Variants in UGT1A9 observed in about 807,000 individuals in gnomAD.
The protein encoded by UGT1A9 is UDP-glucuronosyltransferase 1A9.
Under a neutral mutation model 45.0 loss-of-function variants are expected in UGT1A9, and 35 were observed. The observed-to-expected ratio is 0.78, with a 90% CI of 0.59 to 1.03. UGT1A9 has a LOEUF of 1.03. Among genes scored for constraint, UGT1A9 ranks in the 50% least tolerant of loss-of-function variants. The probability of loss-of-function intolerance (pLI) is 0.00; values close to 1 mark genes in which losing one functional copy is unlikely to be tolerated. For synonymous variants in UGT1A9, 278 were observed against 250.6 expected (o/e 1.11, Z -1.03); for missense variants, 687 against 666.6 (o/e 1.03, Z -0.34).
intron 1 of UGT1A9, chr2:233,743,882 C>A: frequency 2.9e-6 from 4 of 1,367,088 alleles, no homozygotes; most frequent in Non-Finnish European, 3.9e-6. Flanking sequence ...TGAGGCCTGC[C>A]GGGGCACGTC....
chr2:233,683,629 A>G (rs1418410501), intron 1 of UGT1A9, among the ~76,000 whole-genome samples: 1 of 152,134 alleles, frequency 6.6e-6, no homozygotes, highest in African/African-American at 2.4e-5. Context: ...TTATTTCCAT[A>G]AATAAAATTT....
At chr2:233,691,409 G>A in intron 1 of UGT1A9, 1 of 985,558 alleles carries the variant, frequency 1.0e-6, no homozygotes, top group Non-Finnish European at 1.2e-6. Context: ...TGTCCTTGGA[G>A]TGGCCCCTCT....
chr2:233,673,182 C>G (rs920755799), intron 1 of UGT1A9, among the ~76,000 whole-genome samples: 3 of 152,082 alleles, frequency 2.0e-5, no homozygotes, highest in East Asian at 1.9e-4. Flanking sequence ...TATACAATAT[C>G]TAATGTAAAT....
At position 233,758,625 on chromosome 2, in the gene UGT1A9, A is replaced by AC. The variant is rs554859025; in HGVS notation, c.856-8407dup. ...TTCAGTGTGCATGTGCATGCAAAGT[A>AC]CCTACTCTAAGGAGAAGAATGAGAG... On this transcript the variant is annotated intron_variant, in intron 1 of 4. Transcript: ENST00000354728. Among the ~76,000 whole-genome samples the AC allele has an allele frequency of 6.6e-5, 10 of 152,284 alleles. No individual in the cohort carries two copies. The South Asian group carries it at 2.1e-3, about 32-fold the overall frequency.
In UGT1A9 at chr2:233,691,037, G is replaced by A. The variant is rs45542536; in HGVS notation, c.855+18248G>A. The A allele has an allele frequency of 5.6e-5, 55 of 989,346 alleles. No individual in the cohort carries two copies. The African/African-American group carries it at 8.2e-4, about 15-fold the overall frequency. 61.3% of individuals were successfully genotyped at this position (989,346 alleles called of 1,614,324 possible). ...TGTGGTTGGAAGGGCTCAGACCAACGTCCACAGCAGAGTGGAGGTCTAGTA... is the reference window on the plus strand; with the variant it reads ...TGTGGTTGGAAGGGCTCAGACCAACATCCACAGCAGAGTGGAGGTCTAGTA... On this transcript the variant is annotated intron_variant, in intron 1 of 4. Coordinates refer to ENST00000354728, the MANE Select transcript of UGT1A9 (RefSeq NM_021027.3).
chr2:233,744,110 C>T, intron 1 of UGT1A9: 1 of 393,860 alleles, frequency 2.5e-6, no homozygotes, highest in Non-Finnish European at 4.6e-6. Flanking sequence ...ACTGGCCCTG[C>T]TCTCTGTGAG....
intron 1 of UGT1A9, among the ~76,000 whole-genome samples, chr2:233,715,022 G>A (rs1438116974): frequency 2.0e-5 from 3 of 152,060 alleles, no homozygotes; most frequent in Admixed American, 1.3e-4. Flanking sequence ...AACTACAGGC[G>A]CATGGCACCA....
rs897493139 is a variant in UGT1A9, at chr2:233,718,976, T to C, written c.855+46187T>C. ...TGCGGGAGGCCTTGCGGGAGCTCCATGCCAGAGGCCACCAGGCGGTGGTCC... is the reference window on the plus strand; with the variant it reads ...TGCGGGAGGCCTTGCGGGAGCTCCACGCCAGAGGCCACCAGGCGGTGGTCC... On this transcript the variant is annotated intron_variant, in intron 1 of 4. Coordinates refer to ENST00000354728, the MANE Select transcript of UGT1A9 (RefSeq NM_021027.3). 8 of 1,614,114 alleles carry C rather than the reference T, an allele frequency of 5.0e-6. No individual in the cohort carries two copies. In the Admixed American group the frequency reaches 1.3e-4, roughly 27 times the overall value.
At chr2:233,696,875 A>C (rs994045666) in intron 1 of UGT1A9, among the ~76,000 whole-genome samples, 1 of 152,206 alleles carries the variant, frequency 6.6e-6, no homozygotes, top group Non-Finnish European at 1.5e-5. Context: ...AGCATCTACA[A>C]CATATGAGTT....
At position 233,772,525 on chromosome 2, in the gene UGT1A9, G is replaced by T; in HGVS notation, c.1559G>T (p.Arg520Leu). The change falls in exon 5 of 5, where the codon CGA becomes CTA. Residue 520 changes from arginine (R) to leucine (L), a missense_variant. Arg to Leu is a moderately radical substitution (Grantham distance 102). Transcript: ENST00000354728. ...CGGAAATGCTTGGGGAAAAAAGGGCGAGTTAAGAAAGCCCACAAATCCAAG... is the reference window on the plus strand; with the variant it reads ...CGGAAATGCTTGGGGAAAAAAGGGCTAGTTAAGAAAGCCCACAAATCCAAG... ...GYRKCLGKKGRVKKAHKSKTH is the reference protein window; with the variant it reads ...GYRKCLGKKGLVKKAHKSKTH 6.2e-6 allele frequency: 10 copies of T among 1,614,136 alleles called. No individual in the cohort carries two copies. The highest frequency in any genetic ancestry group is 8.5e-6 in the Non-Finnish European group (10 of 1,180,024).
chr2:233,687,706 C>G (rs2074858956), intron 1 of UGT1A9, among the ~76,000 whole-genome samples: 1 of 151,774 alleles, frequency 6.6e-6, no homozygotes, highest in African/African-American at 2.4e-5. Flanking sequence ...AGTTTGAGAC[C>G]AGCCTGGACA....
chr2:233,698,830 G>A (rs2075465152), intron 1 of UGT1A9, among the ~76,000 whole-genome samples: 1 of 152,226 alleles, frequency 6.6e-6, no homozygotes. Context: ...GAGTAAGGCA[G>A]GATCACTTCC....
chr2:233,688,685 A>G (rs2125540421), intron 1 of UGT1A9, among the ~76,000 whole-genome samples: 1 of 152,304 alleles, frequency 6.6e-6, no homozygotes. Flanking sequence ...AAAAAATTTA[A>G]TATTAAACGT....
chr2:233,678,646 T>G (rs1309873560), intron 1 of UGT1A9, among the ~76,000 whole-genome samples: 1 of 152,218 alleles, frequency 6.6e-6, no homozygotes, highest in Non-Finnish European at 1.5e-5. Context: ...TCTTAAATAA[T>G]TGGAAGCATT....
At chr2:233,764,944 G>A (rs994254200) in intron 1 of UGT1A9, among the ~76,000 whole-genome samples, 1 of 152,160 alleles carries the variant, frequency 6.6e-6, no homozygotes, top group South Asian at 2.1e-4. Flanking sequence ...AGAGTGGCGG[G>A]GAGAGAGGGC....
chr2:233,693,864 A>C (rs757830710), intron 1 of UGT1A9: 1 of 1,614,148 alleles, frequency 6.2e-7, no homozygotes, highest in South Asian at 1.1e-5. Flanking sequence ...GACTTGTCTC[A>C]GGTTGGTGGG....
intron 1 of UGT1A9, chr2:233,681,785 G>C: frequency 1.0e-6 from 1 of 960,918 alleles, no homozygotes; most frequent in African/African-American, 1.8e-5. Context: ...GTATTATTAT[G>C]AGTAAATCAT....
chr2:233,682,722 C>G (rs1213515769), intron 1 of UGT1A9: 8 of 1,613,716 alleles, frequency 5.0e-6, no homozygotes, highest in Non-Finnish European at 6.8e-6. Flanking sequence ...TTGGAGTATC[C>G]CAAACCCGTG....
At chr2:233,675,891 C>T (rs1044519519) in intron 1 of UGT1A9, among the ~76,000 whole-genome samples, 9 of 152,098 alleles carry the variant, frequency 5.9e-5, no homozygotes, top group African/African-American at 1.4e-4. Flanking sequence ...ATATCATTAT[C>T]ATATCTAAGA....
Sources: gnomAD v4.1 joint callset for allele counts (sites outside exome capture counted in the v4.1 genomes callset) on GRCh38, gnomAD v4.1.1 for gene constraint, MANE v1.5 for transcripts, NCBI Gene and HGNC (gene_info 2026-07-23, HGNC 2026-07-21) for gene names.